The following FMNL2 variants were observed in gnomAD, a reference collection of about 807,000 sequenced individuals.
The protein encoded by FMNL2 is formin like 2.
Under a neutral mutation model 130.2 loss-of-function variants are expected in FMNL2, and 51 were observed. That is an observed-to-expected ratio of 0.39 (90% CI 0.31 to 0.49). The LOEUF (loss-of-function observed/expected upper bound fraction) is 0.49, where lower values mean the gene tolerates loss of function less well. Ranked by LOEUF, FMNL2 falls within the 20% of genes least tolerant of loss-of-function variation. The probability of loss-of-function intolerance (pLI) is 0.85; values close to 1 mark genes in which losing one functional copy is unlikely to be tolerated. For missense variants in FMNL2, 977 were observed against 1,316.2 expected, an observed-to-expected ratio of 0.74 and a Z score of 3.99; for synonymous variants, 465 against 467.1, an observed-to-expected ratio of 1.00 and a Z score of 0.06.
At chr2:152,524,257 G>T (rs932086205) in intron 2 of FMNL2, among the ~76,000 whole-genome samples, 2 of 152,182 alleles carry the variant, frequency 1.3e-5, no homozygotes, top group African/African-American at 4.8e-5. Context: ...ACCAAATTAA[G>T]ATTAAATCCC....
Position 152,626,519 on chromosome 2 carries a change from T to C in FMNL2, c.1963-6T>C. 1 of 1,594,870 alleles carries C rather than the reference T, an allele frequency of 6.3e-7. No homozygotes were observed. On this transcript the variant is annotated splice_region_variant and splice_polypyrimidine_tract_variant and intron_variant, in intron 16 of 25. Transcript: ENST00000288670. The stretch of plus-strand genomic sequence containing the variant: ...AATTTTCCATGGTCATTCCTCTCTA[T>C]CTTAGGATTTAAATGTGGATGAATT...
chr2:152,639,860 T>G (rs1283361181), intron 23 of FMNL2, 98 bp from the exon 24 acceptor site: 6 of 859,766 alleles, frequency 7.0e-6, no homozygotes, highest in Non-Finnish European at 8.0e-6. Flanking sequence ...TTATTGTAAT[T>G]CTCAACTCAC....
In FMNL2 at chr2:152,578,821, A is replaced by G. The variant is rs1036223308; in HGVS notation, c.706-67A>G. ...ACTTCGGGTTTTTGGTTTTAAATCA[A>G]TACTGACAGTTCCCTAACTTGTCTC... On this transcript the variant is annotated intron_variant, in intron 7 of 25. Coordinates refer to ENST00000288670, the MANE Select transcript of FMNL2 (RefSeq NM_052905.4). 3.2e-5 allele frequency: 45 copies of G among 1,388,316 alleles called. No individual in the cohort carries two copies. The African/African-American group carries it at 5.8e-4, about 18-fold the overall frequency. The allele number at this position is 1,388,316 out of a possible 1,614,324, so 86.0% of individuals were successfully genotyped here. A position where few individuals can be genotyped will look rare whatever the true frequency, so the allele number is the denominator to read the frequency against.
chr2:152,489,909 C>T (rs573168953), intron 1 of FMNL2, among the ~76,000 whole-genome samples: 14 of 152,210 alleles, frequency 9.2e-5, no homozygotes, highest in African/African-American at 2.4e-4. Context: ...GTTTCTTAGT[C>T]GTATTAACTG....
At chr2:152,625,125 CCCAA>C in intron 15 of FMNL2, 1 of 266,118 alleles carries the variant, frequency 3.8e-6, no homozygotes, top group Non-Finnish European at 7.2e-6. Context: ...TTTTATTTGT[CCCAA>C]CCATTGTCCT....
chr2:152,581,072 T>G, intron 9 of FMNL2, 23 bp downstream of exon 9: 6 of 1,589,366 alleles, frequency 3.8e-6, no homozygotes, highest in Non-Finnish European at 5.2e-6. Context: ...ATAGTTTTCA[T>G]AAGAATACTC....
chr2:152,408,567 C>T (rs911605771), intron 1 of FMNL2, among the ~76,000 whole-genome samples: 1 of 152,076 alleles, frequency 6.6e-6, no homozygotes, highest in African/African-American at 2.4e-5. Flanking sequence ...TACAGATGCT[C>T]CTAGACTTAC....
chr2:152,472,296 C>T (rs1417518201), intron 1 of FMNL2, among the ~76,000 whole-genome samples: 1 of 152,180 alleles, frequency 6.6e-6, no homozygotes, highest in African/African-American at 2.4e-5. Flanking sequence ...TTTTAGATAT[C>T]CAATTAGTGT....
At chr2:152,507,441 A>G (rs1159857365) in intron 1 of FMNL2, among the ~76,000 whole-genome samples, 1 of 152,210 alleles carries the variant, frequency 6.6e-6, no homozygotes, top group East Asian at 1.9e-4. Flanking sequence ...AGCTTGATGA[A>G]ACACTTTGCA....
intron 1 of FMNL2, among the ~76,000 whole-genome samples, chr2:152,499,922 G>A (rs994596337): frequency 2.0e-5 from 3 of 152,170 alleles, no homozygotes; most frequent in Admixed American, 6.5e-5. Context: ...GCTAAAACCC[G>A]ACTCTGGATG....
rs13406882 is a variant in FMNL2, at chr2:152,402,194, G to A, written c.117+66474G>A. ...TGAGATTACAGGCGTGAGCCACTACGCCCGGCCGTGTTTGATCTTTTAAAA... is the reference window on the plus strand; with the variant it reads ...TGAGATTACAGGCGTGAGCCACTACACCCGGCCGTGTTTGATCTTTTAAAA... On this transcript the variant is annotated intron_variant, in intron 1 of 25. Coordinates refer to ENST00000288670, the MANE Select transcript of FMNL2 (RefSeq NM_052905.4). Among the ~76,000 whole-genome samples, 201 of 152,238 alleles carry A rather than the reference G, an allele frequency of 1.3e-3. 1 individual carries two copies. The highest frequency in any genetic ancestry group is 4.5e-3 in the African/African-American group (187 of 41,540).
intron 25 of FMNL2, among the ~76,000 whole-genome samples, chr2:152,642,077 A>T (rs960976526): frequency 6.6e-6 from 1 of 152,076 alleles, no homozygotes; most frequent in Non-Finnish European, 1.5e-5. Flanking sequence ...AGTAGCTGGG[A>T]CTACAGGCGC....
At chr2:152,522,097 A>G (rs914709638) in intron 2 of FMNL2, 71 bp downstream of exon 2, 2 of 1,245,570 alleles carry the variant, frequency 1.6e-6, no homozygotes, top group Non-Finnish European at 2.3e-6. Flanking sequence ...ATTTTATGGT[A>G]TGTCAATATC....
At chr2:152,637,811 C>T in intron 23 of FMNL2, 137 bp downstream of exon 23, 1 of 704,366 alleles carries the variant, frequency 1.4e-6, no homozygotes, top group East Asian at 2.7e-5. Context: ...AGATAGCAGT[C>T]CCTAGCTCTG....
intron 23 of FMNL2, 31 bp from the exon 24 acceptor site, chr2:152,639,927 A>G: frequency 1.3e-6 from 2 of 1,525,794 alleles, no homozygotes; most frequent in South Asian, 1.3e-5. Flanking sequence ...TTCCATTAAC[A>G]TCATCTTTCT....
intron 1 of FMNL2, among the ~76,000 whole-genome samples, chr2:152,475,006 C>A (rs942798599): frequency 7.2e-5 from 11 of 152,202 alleles, no homozygotes; most frequent in Non-Finnish European, 1.0e-4. Flanking sequence ...TCTCCAAGGT[C>A]TAAGTGACTG....
At chr2:152,373,565 AC>A (rs1283164580) in intron 1 of FMNL2, among the ~76,000 whole-genome samples, 2 of 152,132 alleles carry the variant, frequency 1.3e-5, no homozygotes, top group African/African-American at 4.8e-5. Context: ...TTTGCATCTG[AC>A]CCATGCACAT....
intron 1 of FMNL2, among the ~76,000 whole-genome samples, chr2:152,356,764 A>G (rs1474443913): frequency 1.5e-5 from 2 of 136,622 alleles, no homozygotes; most frequent in African/African-American, 2.8e-5. Flanking sequence ...TGATTTTGCT[A>G]TTTAAAACAG....
At position 152,630,105 on chromosome 2, in the gene FMNL2, C is replaced by T. The variant is rs75906657; in HGVS notation, c.2550+200C>T. 7.5e-3 allele frequency among the ~76,000 whole-genome samples: 1,140 copies of T among 152,282 alleles called. 4 individuals carry two copies. The highest frequency in any genetic ancestry group is 0.013 in the Non-Finnish European group (873 of 68,018). On this transcript the variant is annotated intron_variant, in intron 20 of 25. Coordinates refer to ENST00000288670, the MANE Select transcript of FMNL2 (RefSeq NM_052905.4). ...ACCCTTTGACTCAGTATTTCCATTTCTAGGAATTTTTTCTCAAGTGTCTGA... is the reference window on the plus strand; with the variant it reads ...ACCCTTTGACTCAGTATTTCCATTTTTAGGAATTTTTTCTCAAGTGTCTGA...
Sources: gnomAD v4.1 joint callset for allele counts (sites outside exome capture counted in the v4.1 genomes callset) on GRCh38, gnomAD v4.1.1 for gene constraint, MANE v1.5 for transcripts, NCBI Gene and HGNC (gene_info 2026-07-23, HGNC 2026-07-21) for gene names.